The following DNAJC1 variants were observed in gnomAD, a reference collection of about 807,000 sequenced individuals.
DNAJC1 encodes the protein dnaJ homolog subfamily C member 1.
DNAJC1 carries 58 observed loss-of-function variants against 76.6 expected under a neutral mutation model. The observed-to-expected ratio is 0.76, with a 90% confidence interval of 0.61 to 0.94. The LOEUF (loss-of-function observed/expected upper bound fraction) is 0.94. DNAJC1 is among the 40% of genes least tolerant of loss of function. The pLI is 0.00. For synonymous variants in DNAJC1, 258 were observed against 267.9 expected (o/e 0.96, Z 0.36); for missense variants, 689 against 677.3 (o/e 1.02, Z -0.19).
At chr10:21,853,680 G>C (rs545253118) in intron 8 of DNAJC1, among the ~76,000 whole-genome samples, 1 of 148,902 alleles carries the variant, frequency 6.7e-6, no homozygotes, top group Admixed American at 6.8e-5. Flanking sequence ...TGTAATCCTA[G>C]CTCATCAGGA....
chr10:21,849,457 T>C (rs1835715923), intron 8 of DNAJC1, among the ~76,000 whole-genome samples: 3 of 150,810 alleles, frequency 2.0e-5, no homozygotes, highest in Non-Finnish European at 4.4e-5. Context: ...AACAGATAAA[T>C]AATAGAATCA....
At chr10:21,803,518 A>G (rs1834837926) in intron 9 of DNAJC1, among the ~76,000 whole-genome samples, 1 of 152,040 alleles carries the variant, frequency 6.6e-6, no homozygotes, top group African/African-American at 2.4e-5. Context: ...AGCTGTTTCA[A>G]TGTAATTTAC....
intron 9 of DNAJC1, among the ~76,000 whole-genome samples, chr10:21,786,194 C>T (rs1378608638): frequency 6.6e-6 from 1 of 151,580 alleles, no homozygotes; most frequent in African/African-American, 2.4e-5. Context: ...TGGTCTTAGC[C>T]CATTGGTTCT....
chr10:21,795,977 T>A (rs1834746651), intron 9 of DNAJC1, among the ~76,000 whole-genome samples: 1 of 151,556 alleles, frequency 6.6e-6, no homozygotes, highest in Non-Finnish European at 1.5e-5. Context: ...CCGCTTTTTT[T>A]TTTTTTTTTT....
chr10:21,779,871 T>G (rs1161296279), intron 9 of DNAJC1, among the ~76,000 whole-genome samples: 1 of 152,082 alleles, frequency 6.6e-6, no homozygotes, highest in Non-Finnish European at 1.5e-5. Flanking sequence ...AATGGCTAAC[T>G]AGAATAACCA....
intron 3 of DNAJC1, among the ~76,000 whole-genome samples, chr10:21,923,235 T>C (rs1169038783): frequency 6.6e-6 from 1 of 151,980 alleles, no homozygotes; most frequent in Non-Finnish European, 1.5e-5. Context: ...ATCAATGAAC[T>C]ATATTATAGC....
intron 8 of DNAJC1, among the ~76,000 whole-genome samples, chr10:21,830,391 T>C (rs1340306437): frequency 3.9e-5 from 6 of 152,224 alleles, no homozygotes; most frequent in Non-Finnish European, 8.8e-5. Flanking sequence ...TTGACAATGA[T>C]TTCCCTCAGC....
At chr10:21,861,179 C>A (rs1197671469) in intron 8 of DNAJC1, among the ~76,000 whole-genome samples, 1 of 152,044 alleles carries the variant, frequency 6.6e-6, no homozygotes, top group East Asian at 1.9e-4. Context: ...AGATTCTAAG[C>A]CCATTGCATT....
In DNAJC1 at chr10:21,965,747, T is replaced by C. The variant is rs182415307; in HGVS notation, c.223-36606A>G. ...ACACCTCCCCATATATACGAGTATA[T>C]ACCTAGGGTGGACGCGTTCCTCCTA... is the stretch of plus-strand genomic sequence containing the variant. On this transcript the variant is annotated intron_variant, in intron 1 of 11. Transcript: ENST00000376980. Among the ~76,000 whole-genome samples, 5 of 152,286 alleles carry C rather than the reference T, an allele frequency of 3.3e-5. No individual in the cohort carries two copies. The East Asian group carries it at 7.7e-4, about 24-fold the overall frequency.
intron 8 of DNAJC1, among the ~76,000 whole-genome samples, chr10:21,822,342 G>A (rs1440291748): frequency 6.6e-6 from 1 of 152,072 alleles, no homozygotes. Context: ...AGGAGGCTGA[G>A]GCAGAAGAAT....
At position 21,881,450 on chromosome 10, in the gene DNAJC1, A is replaced by C. The variant is rs146684588; in HGVS notation, c.978+832T>G. On this transcript the variant is annotated intron_variant, in intron 8 of 11. Transcript: ENST00000376980. ...TTTTATGTAAAGTGATACACATGCA[A>C]CTCTTCCTTCTACTTGAACACTTGG... Among the ~76,000 whole-genome samples the C allele has an allele frequency of 2.6e-5, 4 of 152,126 alleles. No homozygotes were observed. In the East Asian group the frequency reaches 7.7e-4, roughly 29 times the overall value.
intron 8 of DNAJC1, among the ~76,000 whole-genome samples, chr10:21,864,547 G>A (rs1447028836): frequency 1.3e-5 from 2 of 151,638 alleles, no homozygotes; most frequent in Non-Finnish European, 1.5e-5. Flanking sequence ...GCTTGAACCC[G>A]GGGGGTGGAG....
At position 22,003,343 on chromosome 10, in the gene DNAJC1, AGCGGCGTCCGCGGCG is replaced by A. The variant is rs1838558155; in HGVS notation, c.77_91del (p.Pro26_Pro30del). Reference sequence around the variant, plus strand: ...CAGCAGCAGCAGCAGCAGCCACAGCAGCGGCGTCCGCGGCGGCGGCGGCGGGAACGGCACCAGCCC... The same window carrying A: ...CAGCAGCAGCAGCAGCAGCCACAGCAGCGGCGGCGGGAACGGCACCAGCCC... On this transcript the variant is annotated inframe_deletion, in exon 1 of 12. Transcript: ENST00000376980. The A allele has an allele frequency of 2.8e-6, 4 of 1,448,896 alleles. No individual in the cohort carries two copies. The East Asian group carries it at 1.2e-4, about 43-fold the overall frequency. The allele number at this position is 1,448,896 out of a possible 1,614,324, so 89.8% of individuals were successfully genotyped here. A position where few individuals can be genotyped will look rare whatever the true frequency, so the allele number is the denominator to read the frequency against.
At chr10:21,947,512 CTTA>C (rs1437303350) in intron 1 of DNAJC1, among the ~76,000 whole-genome samples, 7 of 152,208 alleles carry the variant, frequency 4.6e-5, no homozygotes, top group Admixed American at 3.3e-4. Context: ...TATATTTTCT[CTTA>C]TGATTTTCTT....
chr10:21,764,358 T>C (rs1834272404), intron 10 of DNAJC1, among the ~76,000 whole-genome samples: 1 of 152,236 alleles, frequency 6.6e-6, no homozygotes, highest in Non-Finnish European at 1.5e-5. Flanking sequence ...ATTGGTAGGT[T>C]ACATGTGATT....
intron 7 of DNAJC1, 85 bp from the exon 8 acceptor site, chr10:21,882,524 G>T: frequency 2.4e-6 from 2 of 848,426 alleles, no homozygotes; most frequent in Non-Finnish European, 3.4e-6. Flanking sequence ...ACCATATCCT[G>T]AAAGAAAACA....
chr10:21,954,439 C>A (rs1837648583), intron 1 of DNAJC1, among the ~76,000 whole-genome samples: 1 of 152,092 alleles, frequency 6.6e-6, no homozygotes, highest in African/African-American at 2.4e-5. Context: ...ACTACAGAAT[C>A]TAGGAGAAAA....
chr10:21,813,390 TC>T (rs1342807424), intron 8 of DNAJC1, among the ~76,000 whole-genome samples: 14 of 75,760 alleles, frequency 1.8e-4, no homozygotes, highest in Non-Finnish European at 2.8e-4. Context: ...GGGCAAACAG[TC>T]TTTTTTTTTT....
At chr10:21,897,342 C>A (rs1564820674) in intron 7 of DNAJC1, among the ~76,000 whole-genome samples, 3 of 152,054 alleles carry the variant, frequency 2.0e-5, no homozygotes, top group African/African-American at 7.2e-5. Flanking sequence ...TGAAATATCA[C>A]ATAATCACAA....
Sources: gnomAD v4.1 joint callset for allele counts (sites outside exome capture counted in the v4.1 genomes callset) on GRCh38, gnomAD v4.1.1 for gene constraint, MANE v1.5 for transcripts, NCBI Gene and HGNC (gene_info 2026-07-23, HGNC 2026-07-21) for gene names.